The following OTOGL variants were observed in gnomAD, a reference collection of about 807,000 sequenced individuals.
OTOGL encodes otogelin like.
A neutral mutation model predicts 318.5 loss-of-function variants in OTOGL; 285 were observed. The observed-to-expected ratio is 0.89, with a 90% CI of 0.81 to 0.99. The LOEUF (loss-of-function observed/expected upper bound fraction) is 0.99. Ranked by LOEUF, OTOGL falls within the 50% of genes least tolerant of loss-of-function variation. OTOGL has a pLI of 0.00. For missense variants in OTOGL, 2,899 were observed against 2,845.6 expected (o/e 1.02, Z -0.43); for synonymous variants, 987 against 936.5 (o/e 1.05, Z -0.99).
intron 1 of OTOGL, among the ~76,000 whole-genome samples, chr12:80,191,308 G>A (rs1875681799): frequency 6.6e-6 from 1 of 152,032 alleles, no homozygotes; most frequent in Non-Finnish European, 1.5e-5. Context: ...CGCGGGGGTG[G>A]GCAGCTGTAA....
intron 27 of OTOGL, among the ~76,000 whole-genome samples, chr12:80,301,731 C>A (rs1370453634): frequency 1.3e-5 from 2 of 152,098 alleles, no homozygotes; most frequent in East Asian, 3.9e-4. Flanking sequence ...GCTTCCTGCC[C>A]CCCTACACAC....
At chr12:80,148,587 C>T (rs963510117) in intron 1 of OTOGL, among the ~76,000 whole-genome samples, 2 of 151,922 alleles carry the variant, frequency 1.3e-5, no homozygotes, top group East Asian at 1.9e-4. Context: ...TTTCCTGAAT[C>T]TGAATGTTGG....
intron 7 of OTOGL, 30 bp from the exon 8 acceptor site, chr12:80,229,227 A>G: frequency 6.3e-7 from 1 of 1,586,784 alleles, no homozygotes; most frequent in Non-Finnish European, 8.5e-7. Context: ...GTTTGTTCCT[A>G]TGCTTTCTTT....
chr12:80,310,145 T>C (rs1032205618), intron 29 of OTOGL, among the ~76,000 whole-genome samples: 1 of 152,112 alleles, frequency 6.6e-6, no homozygotes. Context: ...TATTTAACAA[T>C]GAAGAGGTCA....
rs1346966616 is a variant in OTOGL at position 80,378,454 on chromosome 12, C to T, written c.*406C>T. The T allele has an allele frequency of 6.2e-6, 1 of 161,426 alleles. No individual in the cohort carries two copies. 10.0% of individuals were successfully genotyped at this position (161,426 alleles called of 1,614,324 possible). ...TACCCTTTAATATGTACTCCTTAAT[C>T]TGGTAAATGTGATCAGTTAAAATTG... is the stretch of plus-strand genomic sequence containing the variant. On this transcript the variant is annotated 3_prime_UTR_variant, in exon 59 of 59. Transcript: ENST00000547103.
At chr12:80,190,544 T>C (rs1231037091) in intron 1 of OTOGL, among the ~76,000 whole-genome samples, 1 of 151,984 alleles carries the variant, frequency 6.6e-6, no homozygotes, top group East Asian at 1.9e-4. Flanking sequence ...TCCCAGCACT[T>C]TGGGAGGCTG....
At chr12:80,133,372 A>G (rs894433393) in intron 1 of OTOGL, 8 of 152,344 alleles carry the variant, frequency 5.3e-5, no homozygotes, top group Admixed American at 4.6e-4. Flanking sequence ...AGATGCTTAT[A>G]TATGAAATTT....
At chr12:80,368,819 ATTTT>A (rs35591526) in intron 55 of OTOGL, among the ~76,000 whole-genome samples, 104,460 of 147,072 alleles carry the variant, frequency 0.71, 38,756 homozygotes, top group Non-Finnish European at 0.83. Context: ...GACAACTACT[ATTTT>A]TTTTTTTTTT....
At chr12:80,252,736 T>C (rs573479650) in intron 13 of OTOGL, among the ~76,000 whole-genome samples, 1 of 152,306 alleles carries the variant, frequency 6.6e-6, no homozygotes, top group South Asian at 2.1e-4. Flanking sequence ...TAAGTGATTT[T>C]CCCAATATCC....
intron 52 of OTOGL, 195 bp from the exon 53 acceptor site, chr12:80,366,379 C>T: frequency 2.1e-6 from 1 of 466,068 alleles, no homozygotes; most frequent in South Asian, 1.6e-5. Context: ...CTTTGATTGC[C>T]CTACAGAAGC....
intron 11 of OTOGL, among the ~76,000 whole-genome samples, chr12:80,248,448 T>C (rs1180810888): frequency 2.8e-5 from 4 of 144,614 alleles, no homozygotes; most frequent in Non-Finnish European, 6.0e-5. Flanking sequence ...GGATATGAAA[T>C]TCTGGGTTGC....
chr12:80,249,813 T>C (rs1001989465), intron 11 of OTOGL, among the ~76,000 whole-genome samples: 51 of 152,102 alleles, frequency 3.4e-4, no homozygotes, highest in Non-Finnish European at 4.3e-4. Flanking sequence ...TAGCAATCAG[T>C]GAGACTCCGT....
chr12:80,322,778 C>T (rs1887421926), intron 34 of OTOGL, among the ~76,000 whole-genome samples: 1 of 152,062 alleles, frequency 6.6e-6, no homozygotes. Context: ...CAAATCCGCC[C>T]ATATATTTTG....
intron 26 of OTOGL, among the ~76,000 whole-genome samples, chr12:80,294,689 C>T (rs1592669377): frequency 6.6e-6 from 1 of 152,128 alleles, no homozygotes; most frequent in South Asian, 2.1e-4. Context: ...CACTATAATA[C>T]TTATTAACAA....
intron 8 of OTOGL, 145 bp from the exon 9 acceptor site, chr12:80,232,747 T>C: frequency 2.7e-6 from 2 of 730,700 alleles, no homozygotes; most frequent in Non-Finnish European, 4.4e-6. Context: ...CAGAGGATGG[T>C]TGCTTTGGAG....
intron 1 of OTOGL, among the ~76,000 whole-genome samples, chr12:80,183,064 T>A (rs972215430): frequency 6.6e-6 from 1 of 152,188 alleles, no homozygotes; most frequent in African/African-American, 2.4e-5. Flanking sequence ...TACTGAAAAG[T>A]GAGAAAATTT....
intron 1 of OTOGL, among the ~76,000 whole-genome samples, chr12:80,195,882 G>A (rs141371107): frequency 3.3e-5 from 5 of 152,168 alleles, no homozygotes; most frequent in African/African-American, 7.2e-5. Flanking sequence ...TTCCCCAGTG[G>A]AGGTTGTTAA....
chr12:80,198,361 C>CGGAT (rs1876226688), intron 1 of OTOGL, among the ~76,000 whole-genome samples: 1 of 151,988 alleles, frequency 6.6e-6, no homozygotes, highest in Admixed American at 6.6e-5. Flanking sequence ...CCGAGGCAGG[C>CGGAT]GGATCATGAG....
chr12:80,114,931 C>T (rs1383278897), intron 1 of OTOGL, among the ~76,000 whole-genome samples: 4 of 151,662 alleles, frequency 2.6e-5, no homozygotes, highest in African/African-American at 9.7e-5. Flanking sequence ...GTGTATACTT[C>T]ATGAAGTTCT....
Sources: gnomAD v4.1 joint callset for allele counts (sites outside exome capture counted in the v4.1 genomes callset) on GRCh38, gnomAD v4.1.1 for gene constraint, MANE v1.5 for transcripts, NCBI Gene and HGNC (gene_info 2026-07-23, HGNC 2026-07-21) for gene names.